Variants in BCAS1 observed in about 807,000 individuals in gnomAD.
BCAS1 encodes the protein breast carcinoma-amplified sequence 1.
BCAS1 carries 46 observed loss-of-function variants against 65.4 expected under a neutral mutation model. The observed-to-expected ratio is 0.70, with a 90% CI of 0.55 to 0.90. The LOEUF (loss-of-function observed/expected upper bound fraction) is 0.90, where lower values mean the gene tolerates loss of function less well. Among genes scored for constraint, BCAS1 ranks in the 40% least tolerant of loss-of-function variants. The pLI, the probability that BCAS1 is intolerant of heterozygous loss-of-function variation, is 0.00. For synonymous variants in BCAS1, 298 were observed against 293.5 expected (o/e 1.02, Z -0.16); for missense variants, 793 against 771.2 (o/e 1.03, Z -0.33).
intron 12 of BCAS1, among the ~76,000 whole-genome samples, chr20:53,951,068 T>C (rs1386854281): frequency 2.0e-5 from 3 of 152,250 alleles, no homozygotes; most frequent in African/African-American, 7.2e-5. Flanking sequence ...TTTTTCAGCC[T>C]TCGTACCTAT....
Position 53,990,132 on chromosome 20 carries a change from A to G in BCAS1, c.1062+2380T>C, listed in dbSNP as rs574068020. Among the ~76,000 whole-genome samples, 7 of 152,334 alleles carry G rather than the reference A, an allele frequency of 4.6e-5. No homozygotes were observed. In the East Asian group the frequency reaches 1.3e-3, roughly 29 times the overall value. ...AACACTACACCAAGAACCAAAAACA[A>G]TGAATGAATGGTAGAGCTTATAAAT... On this transcript the variant is annotated intron_variant, in intron 7 of 12. Transcript: ENST00000688948.
chr20:53,989,852 C>T (rs1007346687), intron 7 of BCAS1, among the ~76,000 whole-genome samples: 2 of 152,252 alleles, frequency 1.3e-5, no homozygotes, highest in Middle Eastern at 3.4e-3. Context: ...TTAAGATCAG[C>T]AAAGAATAAT....
intron 12 of BCAS1, 83 bp downstream of exon 12, chr20:53,953,349 G>A: frequency 1.3e-6 from 2 of 1,538,280 alleles, no homozygotes; most frequent in African/African-American, 1.4e-5. Context: ...AGAGCCACAT[G>A]TAGAATTTGA....
intron 8 of BCAS1, 143 bp downstream of exon 8, chr20:53,985,144 T>C (rs2090579516): frequency 1.3e-6 from 1 of 746,246 alleles, no homozygotes; most frequent in South Asian, 1.8e-5. Context: ...TTAGAAGGCT[T>C]CTACTCAATG....
At chr20:54,007,585 G>A (rs746990669) in intron 4 of BCAS1, among the ~76,000 whole-genome samples, 1 of 152,214 alleles carries the variant, frequency 6.6e-6, no homozygotes, top group Non-Finnish European at 1.5e-5. Flanking sequence ...GCCTTGGACA[G>A]ACAGTAGCTA....
intron 3 of BCAS1, among the ~76,000 whole-genome samples, chr20:54,046,715 C>T (rs909976809): frequency 5.3e-5 from 8 of 149,640 alleles, no homozygotes; most frequent in Non-Finnish European, 1.2e-4. Flanking sequence ...CATGGTGGCA[C>T]GTGCCTGTAA....
chr20:53,947,462 T>G (rs1201240357), intron 12 of BCAS1, among the ~76,000 whole-genome samples: 1 of 152,100 alleles, frequency 6.6e-6, no homozygotes, highest in Non-Finnish European at 1.5e-5. Flanking sequence ...AGCTGTGGGT[T>G]TGGGGATGCT....
chr20:54,052,287 C>T (rs1192730242), intron 3 of BCAS1, among the ~76,000 whole-genome samples: 1 of 152,164 alleles, frequency 6.6e-6, no homozygotes, highest in Admixed American at 6.5e-5. Context: ...CCCCTAGCAA[C>T]CACTGATCTA....
intron 3 of BCAS1, among the ~76,000 whole-genome samples, chr20:54,040,911 A>G (rs1408925962): frequency 6.6e-6 from 1 of 151,374 alleles, no homozygotes; most frequent in African/African-American, 2.4e-5. Flanking sequence ...TTTTCATAAT[A>G]GCTGAAAAGT....
Position 53,955,887 on chromosome 20 carries a change from A to G in BCAS1, c.1551+1545T>C, listed in dbSNP as rs2089682695. Among the ~76,000 whole-genome samples, 5 of 152,202 alleles carry G rather than the reference A, an allele frequency of 3.3e-5. No individual in the cohort carries two copies. The South Asian group carries it at 1.0e-3, about 32-fold the overall frequency. The stretch of plus-strand genomic sequence containing the variant: ...CCTTCACTGTAAAATTCCAGACAAA[A>G]TATACCATCATATTTAAGCTTGTCT... On this transcript the variant is annotated intron_variant, in intron 11 of 12. Transcript: ENST00000688948.
intron 9 of BCAS1, among the ~76,000 whole-genome samples, chr20:53,969,116 A>T (rs1254884867): frequency 6.6e-6 from 1 of 152,162 alleles, no homozygotes; most frequent in South Asian, 2.1e-4. Context: ...TGGGCTCTAA[A>T]TCACATCTAT....
intron 4 of BCAS1, among the ~76,000 whole-genome samples, chr20:54,014,316 G>T (rs1342654121): frequency 1.3e-5 from 2 of 152,028 alleles, no homozygotes. Flanking sequence ...TTTCTTTTTT[G>T]TTGGCTTCAA....
rs536029728 is a variant in BCAS1, at chr20:53,947,946, T to C, written c.1816-2950A>G. On this transcript the variant is annotated intron_variant, in intron 12 of 12. Coordinates refer to ENST00000688948, the MANE Select transcript of BCAS1 (RefSeq NM_001366298.2). Reference sequence around the variant, plus strand: ...TGTACACTACTGCCCTTCATCTTCATGCTAACCCTGTGACGTCAGCACCAT... The same window carrying C: ...TGTACACTACTGCCCTTCATCTTCACGCTAACCCTGTGACGTCAGCACCAT... 9.2e-5 allele frequency among the ~76,000 whole-genome samples: 14 copies of C among 152,292 alleles called. No homozygotes were observed. In the South Asian group the frequency reaches 2.7e-3, roughly 29 times the overall value.
chr20:54,052,240 G>C (rs1030578155), intron 3 of BCAS1, among the ~76,000 whole-genome samples: 1 of 152,098 alleles, frequency 6.6e-6, no homozygotes, highest in Non-Finnish European at 1.5e-5. Flanking sequence ...AAAGTTTCTC[G>C]ATGCCCCTCT....
chr20:53,958,982 T>C (rs1214242006), intron 10 of BCAS1, among the ~76,000 whole-genome samples: 3 of 152,184 alleles, frequency 2.0e-5, no homozygotes, highest in Admixed American at 2.0e-4. Flanking sequence ...AATGTTAGAT[T>C]AAACAAAATG....
chr20:54,002,473 T>C (rs2091080116), intron 4 of BCAS1, among the ~76,000 whole-genome samples: 1 of 152,208 alleles, frequency 6.6e-6, no homozygotes, highest in Non-Finnish European at 1.5e-5. Context: ...ACTCTGTTAA[T>C]AGTAGAGAGT....
At chr20:53,979,362 T>G (rs1347649551) in intron 8 of BCAS1, among the ~76,000 whole-genome samples, 1 of 152,142 alleles carries the variant, frequency 6.6e-6, no homozygotes, top group Non-Finnish European at 1.5e-5. Context: ...GAACAACTCA[T>G]TCCAGCTCAG....
In BCAS1 at chr20:53,985,353, C is replaced by T. The variant is rs1258417939; in HGVS notation, c.1209G>A (p.Ala403=). The T allele has an allele frequency of 2.5e-6, 4 of 1,614,050 alleles. No individual in the cohort carries two copies. Among genetic ancestry groups the T allele is most frequent in the African/African-American group, 1.3e-5 (1 of 75,026 alleles). ...HTQSVTTPEP[A]KEGTKEKSGP... ...CTGATTTCTCCTTGGTGCCTTCCTTCGCAGGTTCAGGGGTTGTCACGGACT... is the reference window on the plus strand; with the variant it reads ...CTGATTTCTCCTTGGTGCCTTCCTTTGCAGGTTCAGGGGTTGTCACGGACT... The change falls in exon 8 of 13, where the codon GCG becomes GCA. Residue 403 remains alanine (A), a synonymous_variant. Transcript: ENST00000688948.
intron 3 of BCAS1, among the ~76,000 whole-genome samples, chr20:54,056,402 C>T (rs2092297244): frequency 6.6e-6 from 1 of 152,006 alleles, no homozygotes; most frequent in Non-Finnish European, 1.5e-5. Flanking sequence ...GGAGCTAAGC[C>T]ATGTGTATAC....
Sources: gnomAD v4.1 joint callset for allele counts (sites outside exome capture counted in the v4.1 genomes callset) on GRCh38, gnomAD v4.1.1 for gene constraint, MANE v1.5 for transcripts, NCBI Gene and HGNC (gene_info 2026-07-23, HGNC 2026-07-21) for gene names.